The following NDFIP1 variants were observed in gnomAD, a reference collection of about 807,000 sequenced individuals.
NDFIP1 encodes the protein NEDD4 family-interacting protein 1.
Under a neutral mutation model 28.8 loss-of-function variants are expected in NDFIP1, and 7 were observed. That is an observed-to-expected ratio of 0.24 (90% CI 0.14 to 0.46). The LOEUF (loss-of-function observed/expected upper bound fraction) is 0.46. NDFIP1 is among the 20% of genes least tolerant of loss of function. The pLI, the probability that NDFIP1 is intolerant of heterozygous loss-of-function variation, is 0.99. For synonymous variants in NDFIP1, 92 were observed against 101.0 expected (o/e 0.91, Z 0.53); for missense variants, 194 against 269.1 (o/e 0.72, Z 1.95).
chr5:142,109,162 G>A (rs914525933), intron 1 of NDFIP1, 125 bp downstream of exon 1: 21 of 867,894 alleles, frequency 2.4e-5, no homozygotes, highest in Non-Finnish European at 2.7e-5. Flanking sequence ...GCCGCGCTGG[G>A]CCTGGAGGGG....
intron 1 of NDFIP1, among the ~76,000 whole-genome samples, chr5:142,117,879 C>G (rs925476793): frequency 1.3e-5 from 2 of 152,002 alleles, no homozygotes; most frequent in Non-Finnish European, 2.9e-5. Flanking sequence ...TCTGTACTTT[C>G]AAATAGACTT....
chr5:142,110,140 G>T (rs1386510812), intron 1 of NDFIP1, among the ~76,000 whole-genome samples: 1 of 152,100 alleles, frequency 6.6e-6, no homozygotes, highest in Non-Finnish European at 1.5e-5. Flanking sequence ...GCTATCATCA[G>T]CCATGTGTTG....
chr5:142,122,096 A>G (rs765543150), intron 1 of NDFIP1, among the ~76,000 whole-genome samples: 2 of 152,242 alleles, frequency 1.3e-5, no homozygotes, highest in Non-Finnish European at 2.9e-5. Context: ...GTGCAGCTCA[A>G]TGAATTTTCA....
At position 142,110,395 on chromosome 5, in the gene NDFIP1, C is replaced by A. The variant is rs186290855; in HGVS notation, c.63+1358C>A. ...CCACAGTGTTTGCAAATCACCCCTA[C>A]TGTATACTGTCATCTGATTTCATCC... On this transcript the variant is annotated intron_variant, in intron 1 of 7. Transcript: ENST00000253814. 6.7e-4 allele frequency among the ~76,000 whole-genome samples: 102 copies of A among 152,320 alleles called. 1 individual carries two copies. The highest frequency in any genetic ancestry group is 2.3e-3 in the African/African-American group (97 of 41,578).
chr5:142,150,675 G>A (rs1018730817), intron 7 of NDFIP1, among the ~76,000 whole-genome samples: 3 of 149,540 alleles, frequency 2.0e-5, no homozygotes, highest in Non-Finnish European at 3.0e-5. Context: ...GCAGTGAGCC[G>A]AGCTCGCGCC....
At chr5:142,148,243 A>G (rs938440018) in intron 7 of NDFIP1, among the ~76,000 whole-genome samples, 2 of 152,192 alleles carry the variant, frequency 1.3e-5, no homozygotes, top group African/African-American at 2.4e-5. Flanking sequence ...AGTGATCCCA[A>G]AACACCTCCT....
Position 142,108,886 on chromosome 5 carries a change from C to T in NDFIP1, c.-89C>T. On this transcript the variant is annotated 5_prime_UTR_variant, in exon 1 of 8. Transcript: ENST00000253814. ...CGAGACCCACCCAAGGCGCGTCCCCCTCGGCCTCCCAGCGCTCCCAAGCCG... is the reference window on the plus strand; with the variant it reads ...CGAGACCCACCCAAGGCGCGTCCCCTTCGGCCTCCCAGCGCTCCCAAGCCG... 8.3e-7 allele frequency: 1 copy of T among 1,206,906 alleles called. No individual in the cohort carries two copies. 74.8% of individuals were successfully genotyped at this position (1,206,906 alleles called of 1,614,324 possible).
At position 142,144,568 on chromosome 5, in the gene NDFIP1, T is replaced by C. The variant is rs369106934; in HGVS notation, c.563-3T>C. 54 of 1,593,186 alleles carry C rather than the reference T, an allele frequency of 3.4e-5. 1 individual carries two copies. Among genetic ancestry groups the C allele is most frequent in the East Asian group, 2.7e-4 (12 of 44,740 alleles). On this transcript the variant is annotated splice_polypyrimidine_tract_variant and splice_region_variant and intron_variant, in intron 6 of 7. Coordinates refer to ENST00000253814, the MANE Select transcript of NDFIP1 (RefSeq NM_030571.4). ...CATTCATGACTTTTCTTTTTTAAAT[T>C]AGGCTTTCTCCTGTTTCTCAGAGGA...
chr5:142,110,437 G>C (rs191077872), intron 1 of NDFIP1, among the ~76,000 whole-genome samples: 7 of 152,226 alleles, frequency 4.6e-5, no homozygotes, highest in Admixed American at 4.6e-4. Flanking sequence ...TCCTGACTTG[G>C]ATAAGGCTAA....
At chr5:142,135,435 C>T (rs916045341) in intron 3 of NDFIP1, among the ~76,000 whole-genome samples, 1 of 151,922 alleles carries the variant, frequency 6.6e-6, no homozygotes, top group Admixed American at 6.6e-5. Flanking sequence ...GTGAACTATT[C>T]TTGAAGTGTA....
intron 6 of NDFIP1, among the ~76,000 whole-genome samples, chr5:142,141,456 C>G (rs1043143230): frequency 7.3e-5 from 11 of 151,718 alleles, no homozygotes; most frequent in Admixed American, 2.6e-4. Context: ...GATTACAGGC[C>G]TGAGCCACCA....
chr5:142,144,645 C>T lies in NDFIP1; in HGVS notation c.637C>T (p.Pro213Ser), dbSNP rs1757369978. The T allele has an allele frequency of 1.9e-6, 3 of 1,611,792 alleles. No homozygotes were observed. The highest frequency in any genetic ancestry group is 2.5e-6 in the Non-Finnish European group (3 of 1,178,684). Reference sequence around the variant, plus strand: ...GATGCCAGAAACTTTCTCAAATCTCCCCAGGACCAGAGTTCTCTTTATTTA... The same window carrying T: ...GATGCCAGAAACTTTCTCAAATCTCTCCAGGACCAGAGTTCTCTTTATTTA... ...RKMPETFSNL[P>S]RTRVLFIY is the part of the protein sequence containing the mutation. Residue 213 changes from proline to serine, a missense_variant, in exon 7 of 8, where the codon CCC becomes TCC. By Grantham distance (74) the Pro-to-Ser change is moderately conservative. Transcript: ENST00000253814.
chr5:142,125,784 C>G (rs537930284), intron 1 of NDFIP1, among the ~76,000 whole-genome samples: 28 of 152,162 alleles, frequency 1.8e-4, no homozygotes, highest in Non-Finnish European at 3.7e-4. Context: ...TATTGTCTGT[C>G]TTTTTTATTA....
chr5:142,140,723 A>G (rs995483510), intron 6 of NDFIP1, 94 bp downstream of exon 6: 28 of 905,948 alleles, frequency 3.1e-5, no homozygotes, highest in Non-Finnish European at 3.5e-5. Context: ...TGATTACTGT[A>G]TAGTAATATA....
At chr5:142,122,244 T>TA (rs1757129129) in intron 1 of NDFIP1, among the ~76,000 whole-genome samples, 1 of 152,200 alleles carries the variant, frequency 6.6e-6, no homozygotes, top group African/African-American at 2.4e-5. Flanking sequence ...GCCTGTTCTT[T>TA]AAAAAAATCT....
At chr5:142,140,682 A>G (rs1757318249) in intron 6 of NDFIP1, 53 bp downstream of exon 6, 3 of 1,393,932 alleles carry the variant, frequency 2.2e-6, no homozygotes, top group East Asian at 4.6e-5. Flanking sequence ...TAAATTTTAT[A>G]AGTAAAATTA....
At chr5:142,145,903 G>T (rs1304197514) in intron 7 of NDFIP1, among the ~76,000 whole-genome samples, 1 of 152,154 alleles carries the variant, frequency 6.6e-6, no homozygotes, top group African/African-American at 2.4e-5. Flanking sequence ...TACTAATCGT[G>T]AGGTTCTCAA....
chr5:142,135,778 A>G lies in NDFIP1; in HGVS notation c.331A>G (p.Arg111Gly). 6.2e-7 allele frequency: 1 copy of G among 1,613,898 alleles called. No homozygotes were observed. Among genetic ancestry groups the G allele is most frequent in the Non-Finnish European group, 8.5e-7 (1 of 1,179,892 alleles). ...TGATTTTGATGATGCTGACCAGCTG[A>G]GGATAGGAAATGATGGGATTTTCAT... ...RDDFDDADQL[R>G]IGNDGIFMLT... The change falls in exon 4 of 8, where the codon AGG (arginine) becomes GGG (glycine). Residue 111 changes from arginine to glycine, a missense_variant. Physicochemically the swap from Arg to Gly is moderately radical, Grantham distance 125 (BLOSUM62 -2). Coordinates refer to ENST00000253814, the MANE Select transcript of NDFIP1 (RefSeq NM_030571.4).
At chr5:142,137,606 T>A in intron 4 of NDFIP1, 128 bp from the exon 5 acceptor site, 1 of 1,066,600 alleles carries the variant, frequency 9.4e-7, no homozygotes, top group Non-Finnish European at 1.4e-6. Context: ...GGAGGTATGG[T>A]GACGGTTGTG....
Sources: gnomAD v4.1 joint callset for allele counts (sites outside exome capture counted in the v4.1 genomes callset) on GRCh38, gnomAD v4.1.1 for gene constraint, MANE v1.5 for transcripts, NCBI Gene and HGNC (gene_info 2026-07-23, HGNC 2026-07-21) for gene names.